The following AGL variants were observed in gnomAD, a reference collection of about 807,000 sequenced individuals.
The protein encoded by AGL is glycogen debranching enzyme.
AGL carries 128 observed loss-of-function variants against 199.3 expected under a neutral mutation model. The observed-to-expected ratio is 0.64, with a 90% CI of 0.56 to 0.74. The LOEUF (loss-of-function observed/expected upper bound fraction) is 0.74. AGL is among the 30% of genes least tolerant of loss of function. The pLI, the probability that AGL is intolerant of heterozygous loss-of-function variation, is 0.00. For synonymous variants in AGL, 584 were observed against 594.7 expected, an observed-to-expected ratio of 0.98 and a Z score of 0.26; for missense variants, 1,809 against 1,820.8, an observed-to-expected ratio of 0.99 and a Z score of 0.12.
chr1:99,917,276 A>G (rs1655194700), intron 33 of AGL, among the ~76,000 whole-genome samples: 2 of 152,142 alleles, frequency 1.3e-5, no homozygotes, highest in South Asian at 4.1e-4. Context: ...ATTATACCTA[A>G]GTATATCTAT....
chr1:99,880,576 C>G, intron 13 of AGL, 56 bp from the exon 14 acceptor site: 1 of 1,561,056 alleles, frequency 6.4e-7, no homozygotes, highest in Non-Finnish European at 8.8e-7. Flanking sequence ...AGAAATCTAA[C>G]CTCTTCCTGG....
intron 24 of AGL, among the ~76,000 whole-genome samples, chr1:99,893,610 CTGT>C (rs57377842): frequency 1.5e-3 from 225 of 152,276 alleles, no homozygotes; most frequent in African/African-American, 5.3e-3. Flanking sequence ...TTGTGTACTG[CTGT>C]TGTTAAACAT....
At chr1:99,883,092 G>T (rs147752244) in intron 17 of AGL, among the ~76,000 whole-genome samples, 1 of 152,082 alleles carries the variant, frequency 6.6e-6, no homozygotes, top group South Asian at 2.1e-4. Flanking sequence ...TTAAATGTTC[G>T]TACGTTCTGT....
chr1:99,893,528 A>T (rs1490719292), intron 24 of AGL, among the ~76,000 whole-genome samples: 1 of 152,220 alleles, frequency 6.6e-6, no homozygotes, highest in South Asian at 2.1e-4. Flanking sequence ...GGAAACATTG[A>T]TGTAAATAAC....
intron 25 of AGL, among the ~76,000 whole-genome samples, chr1:99,900,121 C>T (rs11166370): frequency 6.6e-6 from 1 of 151,342 alleles, no homozygotes; most frequent in Non-Finnish European, 1.5e-5. Flanking sequence ...GTAGAGACAG[C>T]GTTTCACCAT....
At chr1:99,853,447 C>T (rs111364983) in intron 2 of AGL, among the ~76,000 whole-genome samples, 2 of 152,210 alleles carry the variant, frequency 1.3e-5, no homozygotes, top group African/African-American at 4.8e-5. Context: ...TAGAATATCA[C>T]CTCCTTTGTG....
At chr1:99,904,937 T>G (rs1421086518) in intron 27 of AGL, among the ~76,000 whole-genome samples, 1 of 152,204 alleles carries the variant, frequency 6.6e-6, no homozygotes, top group Non-Finnish European at 1.5e-5. Context: ...ACTGTGAACA[T>G]TCATGTACAA....
intron 13 of AGL, among the ~76,000 whole-genome samples, chr1:99,880,395 A>T (rs978289895): frequency 6.6e-6 from 1 of 152,238 alleles, no homozygotes; most frequent in Non-Finnish European, 1.5e-5. Context: ...TATAGCTTAC[A>T]TCCCAGTAAA....
intron 1 of AGL, chr1:99,850,653 C>T (rs1179961762): frequency 7.9e-6 from 2 of 251,682 alleles, no homozygotes; most frequent in Middle Eastern, 1.5e-3. Flanking sequence ...CTCCAGAGCC[C>T]TGTGGCTTGG....
rs767272437 is a variant in AGL at position 99,913,723 on chromosome 1, C to T, written c.4146C>T (p.Thr1382=). 50 of 1,613,806 alleles carry T rather than the reference C, an allele frequency of 3.1e-5. No homozygotes were observed. The South Asian group carries it at 4.6e-4, about 15-fold the overall frequency. ...ACTATCAGCTCAGGCCTAATTTTAC[C>T]ATAGCAATGGTTGTGGTAGGTGATT... The part of the protein sequence containing the change: ...WCDYQLRPNF[T]IAMVVAPELF... Residue 1382 remains threonine, a synonymous_variant, in exon 30 of 34, where the codon ACC becomes ACT. Coordinates refer to ENST00000361915, the MANE Select transcript of AGL (RefSeq NM_000642.3).
At chr1:99,907,680 G>GTTTTTGT (rs1167463480) in intron 27 of AGL, among the ~76,000 whole-genome samples, 1 of 46,990 alleles carries the variant, frequency 2.1e-5, no homozygotes, top group Non-Finnish European at 5.5e-5. Context: ...TTGTTCGTTT[G>GTTTTTGT]TTTTTGTTTT....
chr1:99,881,298 G>C lies in AGL; in HGVS notation c.2008G>C (p.Val670Leu), dbSNP rs776807391. The stretch of plus-strand genomic sequence containing the variant: ...AAATTTTACCTTTGTCCAGATTTCA[G>C]TGGTTTCTGAAGAACGGTTTTACAC... ...YDELVPHQIS[V>L]VSEERFYTKW... The change falls in exon 16 of 34, where the codon GTG becomes CTG. Residue 670 changes from valine (V) to leucine (L), a missense_variant. Val to Leu is a conservative substitution (Grantham distance 32). Coordinates refer to ENST00000361915, the MANE Select transcript of AGL (RefSeq NM_000642.3). 1.2e-6 allele frequency: 2 copies of C among 1,614,072 alleles called. No individual in the cohort carries two copies. Among genetic ancestry groups the C allele is most frequent in the South Asian group, 2.2e-5 (2 of 91,084 alleles).
In AGL at chr1:99,875,389, A is replaced by G; in HGVS notation, c.1217A>G (p.Tyr406Cys). 2 of 1,614,180 alleles carry G rather than the reference A, an allele frequency of 1.2e-6. No homozygotes were observed. The highest frequency in any genetic ancestry group is 1.7e-6 in the Non-Finnish European group (2 of 1,180,022). ...AVNCLLGNVF[Y>C]ERLAGHGPKL... ...AATTGCCTTTTGGGAAATGTGTTTTATGAACGACTGGCTGGCCATGGTCCA... is the reference window on the plus strand; with the variant it reads ...AATTGCCTTTTGGGAAATGTGTTTTGTGAACGACTGGCTGGCCATGGTCCA... The change falls in exon 10 of 34, where the codon TAT becomes TGT. Residue 406 changes from tyrosine to cysteine, a missense_variant. By Grantham distance (194) the Tyr-to-Cys change is radical (BLOSUM62 -2). Transcript: ENST00000361915.
intron 2 of AGL, among the ~76,000 whole-genome samples, chr1:99,854,782 A>G (rs1272718559): frequency 6.6e-6 from 1 of 151,882 alleles, no homozygotes; most frequent in African/African-American, 2.4e-5. Context: ...AAAAAAAGAT[A>G]ATTTGAAATG....
intron 24 of AGL, 38 bp from the exon 25 acceptor site, chr1:99,896,248 A>G (rs1237061463): frequency 6.6e-7 from 1 of 1,503,892 alleles, no homozygotes; most frequent in Non-Finnish European, 9.3e-7. Flanking sequence ...GTGTATTATT[A>G]TGATTAACAT....
At chr1:99,906,596 A>T (rs1206031167) in intron 27 of AGL, among the ~76,000 whole-genome samples, 1 of 152,080 alleles carries the variant, frequency 6.6e-6, no homozygotes, top group Non-Finnish European at 1.5e-5. Context: ...TGTGATTTTG[A>T]CTACTTTAGA....
rs1279533650 is a variant in AGL at position 99,899,536 on chromosome 1, CTCTCTT to C, written c.3363-1094_3363-1089del. Among the ~76,000 whole-genome samples the C allele has an allele frequency of 2.1e-4, 32 of 150,392 alleles. 1 individual carries two copies. In the East Asian group the frequency reaches 5.1e-3, roughly 24 times the overall value. Reference sequence around the variant, plus strand: ...TCTCTCTCTCTCTCTCTCTTTCTCTCTCTCTTTCTCTCTCTCTCTCTTTCCCTCCCT... The same window carrying C: ...TCTCTCTCTCTCTCTCTCTTTCTCTCTCTCTCTCTCTCTCTTTCCCTCCCT... On this transcript the variant is annotated intron_variant, in intron 25 of 33. Coordinates refer to ENST00000361915, the MANE Select transcript of AGL (RefSeq NM_000642.3).
chr1:99,870,193 GA>G lies in AGL; in HGVS notation c.665-196del, dbSNP rs530402620. Among the ~76,000 whole-genome samples, 2,346 of 140,298 alleles carry G rather than the reference GA, an allele frequency of 0.017. 66 individuals carry two copies. Among genetic ancestry groups the G allele is most frequent in the African/African-American group, 0.056 (2,173 of 38,514 alleles). 92.0% of individuals were successfully genotyped at this position (140,298 alleles called of 152,430 possible). Reference sequence around the variant, plus strand: ...GATTTTCTAAGCAGAATTAAAGTTAGAAAAAAAAAAAGTATGCTGAAGCGAA... The same window carrying G: ...GATTTTCTAAGCAGAATTAAAGTTAGAAAAAAAAAAGTATGCTGAAGCGAA... On this transcript the variant is annotated intron_variant, in intron 5 of 33. Transcript: ENST00000361915.
rs775558691 is a variant in AGL, at chr1:99,861,635, A to G, written c.215A>G (p.Glu72Gly). The change falls in exon 3 of 34, where the codon GAA becomes GGA. Residue 72 changes from glutamate (E) to glycine (G), a missense_variant. Transcript: ENST00000361915. ...TCTCTGGATTGGGAAAATCCAACAG[A>G]AAGAGAAGATGATTCTGATAAATAC... ...FRSLDWENPT[E>G]REDDSDKYCK... is the part of the protein sequence containing the mutation. 1 of 1,613,688 alleles carries G rather than the reference A, an allele frequency of 6.2e-7. No individual in the cohort carries two copies. Among genetic ancestry groups the G allele is most frequent in the Admixed American group, 1.7e-5 (1 of 60,016 alleles).
Sources: allele counts gnomAD v4.1 joint callset (sites outside exome capture counted in the v4.1 genomes callset), GRCh38; gene constraint gnomAD v4.1.1; transcripts MANE v1.5; gene names NCBI Gene and HGNC (gene_info 2026-07-23, HGNC 2026-07-21).